MSI2: variants seen among roughly 807,000 people sequenced by gnomAD.
The protein encoded by MSI2 is musashi RNA binding protein 2, also known as RNA-binding protein Musashi homolog 2.
In MSI2, 17 loss-of-function variants were observed where a neutral mutation model predicts 45.6. The observed-to-expected ratio is 0.37, with a 90% confidence interval of 0.26 to 0.56. MSI2 has a LOEUF of 0.56. MSI2 is among the 20% of genes least tolerant of loss of function. The pLI is 0.77. For missense variants in MSI2, 293 were observed against 444.2 expected, an observed-to-expected ratio of 0.66 and a Z score of 3.06; for synonymous variants, 156 against 158.2, an observed-to-expected ratio of 0.99 and a Z score of 0.11.
chr17:57,273,668 T>C lies in MSI2; in HGVS notation c.312+11476T>C, dbSNP rs184826300. Among the ~76,000 whole-genome samples the C allele has an allele frequency of 2.0e-3, 312 of 152,314 alleles. 1 individual carries two copies. The highest frequency in any genetic ancestry group is 6.9e-3 in the African/African-American group (286 of 41,574). ...ATCGCCTTAGCATGTTGTGATTGCC[T>C]TTATTGCCACGTCATCCTGTTTGCT... On this transcript the variant is annotated intron_variant, in intron 5 of 13. Coordinates refer to ENST00000284073, the MANE Select transcript of MSI2 (RefSeq NM_138962.4).
At chr17:57,618,973 A>G (rs566806803) in intron 9 of MSI2, among the ~76,000 whole-genome samples, 5 of 152,380 alleles carry the variant, frequency 3.3e-5, no homozygotes, top group African/African-American at 1.2e-4. Flanking sequence ...ATAAAATGGA[A>G]GACCTTCAGG....
At chr17:57,669,852 G>A (rs1315101389) in intron 11 of MSI2, among the ~76,000 whole-genome samples, 2 of 152,182 alleles carry the variant, frequency 1.3e-5, no homozygotes, top group African/African-American at 2.4e-5. Context: ...AGGCTGGGCA[G>A]GGAAGAGTCT....
At chr17:57,443,017 A>G (rs1347610617) in intron 6 of MSI2, among the ~76,000 whole-genome samples, 1 of 152,222 alleles carries the variant, frequency 6.6e-6, no homozygotes, top group East Asian at 1.9e-4. Context: ...AGGAAACAGG[A>G]AACCTGATGG....
At chr17:57,325,683 C>T (rs929696433) in intron 5 of MSI2, among the ~76,000 whole-genome samples, 9 of 152,210 alleles carry the variant, frequency 5.9e-5, no homozygotes, top group Non-Finnish European at 1.0e-4. Context: ...ATTTGACCCA[C>T]CTCCAGCTGG....
At chr17:57,372,091 G>A (rs1474295803) in intron 5 of MSI2, among the ~76,000 whole-genome samples, 2 of 152,074 alleles carry the variant, frequency 1.3e-5, no homozygotes, top group Non-Finnish European at 2.9e-5. Context: ...TTGTAAAAAT[G>A]ATGTGTTTAT....
In MSI2 at chr17:57,376,856, C is replaced by G. The variant is rs559801905; in HGVS notation, c.313-24523C>G. On this transcript the variant is annotated intron_variant, in intron 5 of 13. Coordinates refer to ENST00000284073, the MANE Select transcript of MSI2 (RefSeq NM_138962.4). ...AGATCCCACCTTCCCCTGGGTTCCT[C>G]CCACCCCCGACCCAGGAAAGGGGAA... 5.8e-5 allele frequency among the ~76,000 whole-genome samples: 8 copies of G among 138,684 alleles called. No homozygotes were observed. In the East Asian group the frequency reaches 1.8e-3, roughly 31 times the overall value. 91.0% of individuals were successfully genotyped at this position (138,684 alleles called of 152,430 possible).
chr17:57,289,277 T>C (rs889866709), intron 5 of MSI2, among the ~76,000 whole-genome samples: 1 of 152,158 alleles, frequency 6.6e-6, no homozygotes, highest in Non-Finnish European at 1.5e-5. Context: ...AGCATCTCTA[T>C]AGAGCTTTTT....
intron 6 of MSI2, among the ~76,000 whole-genome samples, chr17:57,410,643 C>T (rs1598232768): frequency 6.6e-6 from 1 of 150,778 alleles, no homozygotes; most frequent in South Asian, 2.1e-4. Flanking sequence ...TACAGGAAGT[C>T]GTTTTTAGGT....
At chr17:57,458,910 T>C (rs1047694449) in intron 6 of MSI2, among the ~76,000 whole-genome samples, 18 of 152,108 alleles carry the variant, frequency 1.2e-4, no homozygotes, top group African/African-American at 4.3e-4. Context: ...GGCGAGAGCG[T>C]TGGGTTGTTT....
intron 6 of MSI2, among the ~76,000 whole-genome samples, chr17:57,492,793 T>C (rs879853114): frequency 2.6e-5 from 4 of 152,138 alleles, no homozygotes; most frequent in Non-Finnish European, 5.9e-5. Context: ...GACGGTGTTT[T>C]ACCATGTTGG....
At chr17:57,632,668 C>G (rs1406959597) in intron 10 of MSI2, 1 of 1,066,108 alleles carries the variant, frequency 9.4e-7, no homozygotes, top group Non-Finnish European at 1.1e-6. Context: ...TTTCCCATGG[C>G]TTGACTTCCT....
intron 6 of MSI2, among the ~76,000 whole-genome samples, chr17:57,467,116 C>A (rs1274665217): frequency 6.6e-6 from 1 of 152,224 alleles, no homozygotes; most frequent in Non-Finnish European, 1.5e-5. Context: ...GAAGCTTAGA[C>A]TAAGATGAGG....
chr17:57,442,345 A>C (rs1325072557), intron 6 of MSI2, among the ~76,000 whole-genome samples: 5 of 152,288 alleles, frequency 3.3e-5, no homozygotes, highest in Non-Finnish European at 7.4e-5. Context: ...AACACAGCTG[A>C]TTTTTATAAA....
chr17:57,597,197 T>C (rs1905322359), intron 8 of MSI2, among the ~76,000 whole-genome samples: 1 of 152,224 alleles, frequency 6.6e-6, no homozygotes, highest in African/African-American at 2.4e-5. Flanking sequence ...GCTACCCAGT[T>C]CTGCTGGGTA....
chr17:57,399,731 G>A (rs780787090), intron 5 of MSI2, among the ~76,000 whole-genome samples: 33 of 152,218 alleles, frequency 2.2e-4, no homozygotes, highest in Non-Finnish European at 5.9e-5. Context: ...ATGGATTCAT[G>A]GGAATCGGGC....
intron 5 of MSI2, among the ~76,000 whole-genome samples, chr17:57,333,620 T>C (rs1427829856): frequency 6.6e-6 from 1 of 152,106 alleles, no homozygotes; most frequent in Non-Finnish European, 1.5e-5. Context: ...TTTTGTATTT[T>C]TAGTAGAGAC....
At position 57,401,385 on chromosome 17, in the gene MSI2, A is replaced by G; in HGVS notation, c.319A>G (p.Thr107Ala). Residue 107 changes from threonine to alanine, a missense_variant, in exon 6 of 14, where the codon ACA becomes GCA. Coordinates refer to ENST00000284073, the MANE Select transcript of MSI2 (RefSeq NM_138962.4). The stretch of plus-strand genomic sequence containing the variant: ...CTCTTGTCATTTCTTGCAGATGGTC[A>G]CAAGAACAAAGAAAATATTTGTAGG... ...FPRRAQPKMVTRTKKIFVGGL... is the reference protein window; with the variant it reads ...FPRRAQPKMVARTKKIFVGGL... 1 of 1,613,922 alleles carries G rather than the reference A, an allele frequency of 6.2e-7. No homozygotes were observed. The highest frequency in any genetic ancestry group is 1.1e-5 in the South Asian group (1 of 91,082).
chr17:57,401,491 G>C lies in MSI2; in HGVS notation c.405+20G>C, dbSNP rs373822155. 1 of 1,600,062 alleles carries C rather than the reference G, an allele frequency of 6.2e-7. No homozygotes were observed. The highest frequency in any genetic ancestry group is 8.6e-7 in the Non-Finnish European group (1 of 1,167,180). ...GGCAAGGTAAGCGCTGGATGGGGTTGGATGGCACATGCCAGAAGTAGCCTC... is the reference window on the plus strand; with the variant it reads ...GGCAAGGTAAGCGCTGGATGGGGTTCGATGGCACATGCCAGAAGTAGCCTC... On this transcript the variant is annotated intron_variant, in intron 6 of 13. Transcript: ENST00000284073.
intron 10 of MSI2, among the ~76,000 whole-genome samples, chr17:57,642,384 C>G (rs918802222): frequency 2.0e-5 from 3 of 152,230 alleles, no homozygotes; most frequent in African/African-American, 4.8e-5. Flanking sequence ...TCTGAGTGCT[C>G]TCTCTATCTT....
Sources: gnomAD v4.1 joint callset for allele counts (sites outside exome capture counted in the v4.1 genomes callset) on GRCh38, gnomAD v4.1.1 for gene constraint, MANE v1.5 for transcripts, NCBI Gene and HGNC (gene_info 2026-07-23, HGNC 2026-07-21) for gene names.